The following SIGLEC15 variants were observed in gnomAD, a reference collection of about 807,000 sequenced individuals.
The protein encoded by SIGLEC15 is sialic acid-binding Ig-like lectin 15.
Under a neutral mutation model 26.2 loss-of-function variants are expected in SIGLEC15, and 31 were observed. That is an observed-to-expected ratio of 1.18 (90% CI 0.89 to 1.60). The LOEUF (loss-of-function observed/expected upper bound fraction) is 1.60, where lower values mean the gene tolerates loss of function less well. SIGLEC15 is among the 40% of genes most tolerant of loss of function. The pLI, the probability that SIGLEC15 is intolerant of heterozygous loss-of-function variation, is 0.00. For missense variants in SIGLEC15, 501 were observed against 488.4 expected (o/e 1.03, Z -0.24); for synonymous variants, 207 against 221.9 (o/e 0.93, Z 0.60).
At chr18:45,831,036 C>T (rs763929096) in intron 1 of SIGLEC15, among the ~76,000 whole-genome samples, 28 of 152,324 alleles carry the variant, frequency 1.8e-4, no homozygotes, top group Admixed American at 1.4e-3. Flanking sequence ...AGACTACTGA[C>T]GCCAGAGAGC....
intron 1 of SIGLEC15, among the ~76,000 whole-genome samples, chr18:45,829,861 AC>A (rs1439918355): frequency 6.6e-6 from 1 of 150,846 alleles, no homozygotes; most frequent in African/African-American, 2.4e-5. Context: ...TCCTTCCCTT[AC>A]CCCCTCAAAA....
intron 5 of SIGLEC15, 127 bp from the exon 6 acceptor site, chr18:45,841,979 C>A (rs2048328114): frequency 1.2e-6 from 1 of 865,288 alleles, no homozygotes; most frequent in Non-Finnish European, 1.9e-6. Flanking sequence ...ATCTCTGAGC[C>A]CTGCCGGTTC....
At position 45,838,935 on chromosome 18, in the gene SIGLEC15, G is replaced by A. The variant is rs770484226; in HGVS notation, c.714G>A (p.Thr238=). Residue 238 remains threonine (T), a synonymous_variant, in exon 4 of 6, where the codon ACG becomes ACA. Coordinates refer to ENST00000389474, the MANE Select transcript of SIGLEC15 (RefSeq NM_213602.3). ...ALTHDGRYTC[T]AANSLGRSEA... ...CCCATGACGGCCGCTACACGTGTAC[G>A]GCCGCCAACAGCCTGGGCCGCTCCG... 1.2e-6 allele frequency: 2 copies of A among 1,604,718 alleles called. No individual in the cohort carries two copies. The highest frequency in any genetic ancestry group is 1.7e-6 in the Non-Finnish European group (2 of 1,178,530).
chr18:45,842,275 T>G lies in SIGLEC15; in HGVS notation c.*88T>G, dbSNP rs2048331060. On this transcript the variant is annotated 3_prime_UTR_variant, in exon 6 of 6. Coordinates refer to ENST00000389474, the MANE Select transcript of SIGLEC15 (RefSeq NM_213602.3). ...TGGCTGGCACAGCCAGTCCTGGTTC[T>G]CGGGCACCTTGGCAGCCCCCAGCTG... The G allele has an allele frequency of 6.7e-7, 1 of 1,481,530 alleles. No homozygotes were observed. Among genetic ancestry groups the G allele is most frequent in the African/African-American group, 1.4e-5 (1 of 72,312 alleles). 91.8% of individuals were successfully genotyped at this position (1,481,530 alleles called of 1,614,324 possible). A position where few individuals can be genotyped will look rare whatever the true frequency, so the allele number is the denominator to read the frequency against.
chr18:45,828,502 G>A (rs2048204891), intron 1 of SIGLEC15, among the ~76,000 whole-genome samples: 1 of 152,168 alleles, frequency 6.6e-6, no homozygotes. Flanking sequence ...AGTGACCTTG[G>A]ACAAGGCCTC....
At chr18:45,830,752 ATTTT>A (rs34498635) in intron 1 of SIGLEC15, among the ~76,000 whole-genome samples, 3 of 118,124 alleles carry the variant, frequency 2.5e-5, no homozygotes, top group African/African-American at 1.0e-4. Context: ...TGCCAGGCTA[ATTTT>A]TTTTTTTTTT....
rs148422157 is a variant in SIGLEC15, at chr18:45,830,456, G to T, written c.52+4676G>T. 1.5e-4 allele frequency among the ~76,000 whole-genome samples: 23 copies of T among 152,308 alleles called. No homozygotes were observed. In the East Asian group the frequency reaches 4.4e-3, roughly 29 times the overall value. On this transcript the variant is annotated intron_variant, in intron 1 of 5. Transcript: ENST00000389474. ...CCTCCTTTAGATTGGTCACTGCAAG[G>T]AGGCATGAAGGGAGCTATGGGGGGA...
Position 45,843,267 on chromosome 18 carries a change from C to T in SIGLEC15, c.*1080C>T, listed in dbSNP as rs1174708272. The T allele has an allele frequency of 2.0e-5, 3 of 152,328 alleles. No homozygotes were observed. The highest frequency in any genetic ancestry group is 4.4e-5 in the Non-Finnish European group (3 of 68,134). The allele number at this position is 152,328 out of a possible 1,614,324, so 9.4% of individuals were successfully genotyped here. The stretch of plus-strand genomic sequence containing the variant: ...CCCCCTTTGCCCTAACGCGGGCAGG[C>T]TGACTTGGAGGGGTGCTTCCCTATT... On this transcript the variant is annotated 3_prime_UTR_variant, in exon 6 of 6. Coordinates refer to ENST00000389474, the MANE Select transcript of SIGLEC15 (RefSeq NM_213602.3).
chr18:45,842,457 G>GAGAA lies in SIGLEC15; in HGVS notation c.*273_*274insAAGA, dbSNP rs1201326019. ...TGTGTGTGTGTGAGAGAGAGAGAGA[G>GAGAA]AGAGTACACGCATTAGCTTGAGCGT... On this transcript the variant is annotated 3_prime_UTR_variant, in exon 6 of 6. Transcript: ENST00000389474. The GAGAA allele has an allele frequency of 6.4e-6, 3 of 467,022 alleles. No homozygotes were observed. Among genetic ancestry groups the GAGAA allele is most frequent in the Non-Finnish European group, 1.2e-5 (3 of 257,466 alleles). The allele number at this position is 467,022 out of a possible 1,614,324, so 28.9% of individuals were successfully genotyped here.
rs747989378 is a variant in SIGLEC15, at chr18:45,839,089, C to T, written c.868C>T (p.Arg290Cys). ...GVLAARAARR[R>C]PEHLDTPDTP... ...CCTGGCCGCCCGCGCTGCCCGCCGC[C>T]GCCCAGGTGGGTGCGCCCCAGACAC... Residue 290 changes from arginine (R) to cysteine (C), a missense_variant, in exon 4 of 6, where the codon CGC becomes TGC. By Grantham distance (180) the Arg-to-Cys change is radical. Coordinates refer to ENST00000389474, the MANE Select transcript of SIGLEC15 (RefSeq NM_213602.3). The T allele has an allele frequency of 1.4e-6, 2 of 1,407,818 alleles. No individual in the cohort carries two copies. Among genetic ancestry groups the T allele is most frequent in the Non-Finnish European group, 1.8e-6 (2 of 1,093,202 alleles). The allele number at this position is 1,407,818 out of a possible 1,614,324, so 87.2% of individuals were successfully genotyped here.
chr18:45,826,298 T>A (rs1447204989), intron 1 of SIGLEC15, among the ~76,000 whole-genome samples: 1 of 152,056 alleles, frequency 6.6e-6, no homozygotes, highest in Non-Finnish European at 1.5e-5. Flanking sequence ...GGGAACACTG[T>A]GGCAGGTTTA....
chr18:45,830,583 C>CTTTTTTTTTTTTTTTTTT (rs56404391), intron 1 of SIGLEC15, among the ~76,000 whole-genome samples: 2 of 96,702 alleles, frequency 2.1e-5, no homozygotes, highest in Non-Finnish European at 3.7e-5. Context: ...ATTTTTCTTT[C>CTTTTTTTTTTTTTTTTTT]TTTTTTTTTT....
intron 1 of SIGLEC15, among the ~76,000 whole-genome samples, chr18:45,828,876 G>A (rs1456920211): frequency 6.6e-6 from 1 of 152,216 alleles, no homozygotes; most frequent in African/African-American, 2.4e-5. Context: ...GCTTATTCGG[G>A]ACACAGGCAA....
chr18:45,842,102 A>G lies in SIGLEC15; in HGVS notation c.906-4A>G. On this transcript the variant is annotated splice_region_variant and splice_polypyrimidine_tract_variant and intron_variant, in intron 5 of 5. Transcript: ENST00000389474. ...ATGATCATTCAACTTTCTCCTGTCC[A>G]CAGGTCCCAGGCCCAGGAGTCCAAT... 1 of 1,614,108 alleles carries G rather than the reference A, an allele frequency of 6.2e-7. No homozygotes were observed. Among genetic ancestry groups the G allele is most frequent in the Non-Finnish European group, 8.5e-7 (1 of 1,179,964 alleles).
intron 1 of SIGLEC15, among the ~76,000 whole-genome samples, chr18:45,827,747 G>A (rs1568076801): frequency 6.6e-6 from 1 of 152,214 alleles, no homozygotes; most frequent in Non-Finnish European, 1.5e-5. Context: ...CCTTGCCAAA[G>A]TCACAGCGTT....
chr18:45,842,244 G>A lies in SIGLEC15; in HGVS notation c.*57G>A, dbSNP rs1457362295. The A allele has an allele frequency of 6.2e-5, 99 of 1,585,314 alleles. No individual in the cohort carries two copies. Among genetic ancestry groups the A allele is most frequent in the Admixed American group, 1.5e-4 (9 of 59,950 alleles). On this transcript the variant is annotated 3_prime_UTR_variant, in exon 6 of 6. Coordinates refer to ENST00000389474, the MANE Select transcript of SIGLEC15 (RefSeq NM_213602.3). ...CACTGTAAAGAACAAAGGCCAGTGC[G>A]AGGCTTGGCTGGCACAGCCAGTCCT...
chr18:45,825,756 T>A lies in SIGLEC15; in HGVS notation c.28T>A (p.Cys10Ser), dbSNP rs999847666. The A allele has an allele frequency of 6.8e-6, 11 of 1,614,248 alleles. No homozygotes were observed. In the East Asian group the frequency reaches 2.5e-4, roughly 36 times the overall value. The change falls in exon 1 of 6, where the codon TGC becomes AGC. Residue 10 changes from cysteine (C) to serine (S), a missense_variant. Coordinates refer to ENST00000389474, the MANE Select transcript of SIGLEC15 (RefSeq NM_213602.3). The part of the protein sequence containing the change: MEKSIWLLA[C>S]LAWVLPTGSF... Reference sequence around the variant, plus strand: ...GGAAAAGTCCATCTGGCTGCTGGCCTGCTTGGCGTGGGTTCTCCCGACAGG... The same window carrying A: ...GGAAAAGTCCATCTGGCTGCTGGCCAGCTTGGCGTGGGTTCTCCCGACAGG...
At chr18:45,838,492 C>T in intron 3 of SIGLEC15, 3 of 619,518 alleles carry the variant, frequency 4.8e-6, no homozygotes, top group Non-Finnish European at 7.8e-6. Flanking sequence ...TTTTCAGCAA[C>T]CTCTTAAGGC....
chr18:45,836,957 CT>C (rs1213436768), intron 1 of SIGLEC15, 71 bp from the exon 2 acceptor site: 9 of 835,036 alleles, frequency 1.1e-5, no homozygotes, highest in Non-Finnish European at 1.9e-5. Context: ...GGCAGTGTGA[CT>C]TCAGTTACTC....
Sources: gnomAD v4.1 joint callset for allele counts (sites outside exome capture counted in the v4.1 genomes callset) on GRCh38, gnomAD v4.1.1 for gene constraint, MANE v1.5 for transcripts, NCBI Gene and HGNC (gene_info 2026-07-23, HGNC 2026-07-21) for gene names.